The following MYH4 variants were observed in gnomAD, a reference collection of about 807,000 sequenced individuals.
The protein encoded by MYH4 is myosin heavy chain 4.
In MYH4, 200 loss-of-function variants were observed where a neutral mutation model predicts 229.9. The ratio of observed to expected loss-of-function variants is 0.87; its 90% CI spans 0.78 to 0.98. The LOEUF is 0.98. MYH4 is among the 50% of genes least tolerant of loss of function. The pLI, the probability that MYH4 is intolerant of heterozygous loss-of-function variation, is 0.00. For missense variants in MYH4, 2,148 were observed against 2,332.6 expected (o/e 0.92, Z 1.63); for synonymous variants, 761 against 834.6 (o/e 0.91, Z 1.52).
Position 10,455,187 on chromosome 17 carries a change from T to C in MYH4, c.2283A>G (p.Lys761=), listed in dbSNP as rs776418375. 1.9e-6 allele frequency: 3 copies of C among 1,614,174 alleles called. No homozygotes were observed. Among genetic ancestry groups the C allele is most frequent in the Non-Finnish European group, 2.5e-6 (3 of 1,180,026 alleles). Residue 761 remains lysine, a synonymous_variant, in exon 20 of 40, where the codon AAA becomes AAG. Coordinates refer to ENST00000255381, the MANE Select transcript of MYH4 (RefSeq NM_017533.2). ...GSIEIDHTQY[K]FGHTKVFFKA... is the part of the protein sequence containing the mutation. ...CTGGTGATACCTTGGTATGACCGAA[T>C]TTGTACTGGGTGTGGTCAATTTCAA...
chr17:10,451,543 C>T lies in MYH4; in HGVS notation c.3739-91G>A, dbSNP rs531636249. On this transcript the variant is annotated intron_variant, in intron 27 of 39. Transcript: ENST00000255381. The stretch of plus-strand genomic sequence containing the variant: ...ATCTGTAACTACCTGTGGAAAGGGG[C>T]TGATTTTTATTTACTTTTCTATCAA... 3.6e-6 allele frequency: 5 copies of T among 1,372,490 alleles called. No homozygotes were observed. In the African/African-American group the frequency reaches 7.3e-5, roughly 20 times the overall value. The allele number at this position is 1,372,490 out of a possible 1,614,324, so 85.0% of individuals were successfully genotyped here.
At position 10,443,536 on chromosome 17, in the gene MYH4, A is replaced by G; in HGVS notation, c.5668-9T>C. On this transcript the variant is annotated splice_polypyrimidine_tract_variant and intron_variant, in intron 39 of 39. Transcript: ENST00000255381. The surrounding 1 kb of genome is among the most constrained non-coding windows in gnomAD (Gnocchi z 4.6). Reference sequence around the variant, plus strand: ...ACATTGGATTGTTCCTCCTGAGAACAGAGATGCATTTGAGATAACAAGAAA... The same window carrying G: ...ACATTGGATTGTTCCTCCTGAGAACGGAGATGCATTTGAGATAACAAGAAA... The G allele has an allele frequency of 6.2e-7, 1 of 1,604,008 alleles. No homozygotes were observed. Among genetic ancestry groups the G allele is most frequent in the Non-Finnish European group, 8.5e-7 (1 of 1,174,352 alleles).
At chr17:10,445,736 G>C (rs2072505075) in intron 35 of MYH4, among the ~76,000 whole-genome samples, 1 of 152,024 alleles carries the variant, frequency 6.6e-6, no homozygotes, top group African/African-American at 2.4e-5. Context: ...TGCATAAATA[G>C]TTGTCTTGTT....
chr17:10,444,022 C>T (rs1367444073), intron 39 of MYH4, among the ~76,000 whole-genome samples: 1 of 152,140 alleles, frequency 6.6e-6, no homozygotes, highest in Non-Finnish European at 1.5e-5. Flanking sequence ...TTATGACCCT[C>T]CTCAAGTCTC....
intron 35 of MYH4, among the ~76,000 whole-genome samples, chr17:10,446,420 T>C (rs2072512698): frequency 6.6e-6 from 1 of 152,178 alleles, no homozygotes; most frequent in Non-Finnish European, 1.5e-5. Context: ...CTATATTATT[T>C]TTAAGTTGCT....
intron 25 of MYH4, 89 bp downstream of exon 25, chr17:10,452,698 G>C (rs2072591004): frequency 1.4e-6 from 2 of 1,423,186 alleles, no homozygotes; most frequent in Non-Finnish European, 1.9e-6. Context: ...CATATGTCAT[G>C]ATGTAACATT....
intron 34 of MYH4, 58 bp from the exon 35 acceptor site, chr17:10,447,274 T>A: frequency 6.9e-7 from 1 of 1,451,380 alleles, no homozygotes; most frequent in East Asian, 2.3e-5. Context: ...AATGCAAACT[T>A]ATGGTCATGT....
chr17:10,463,705 C>T, intron 7 of MYH4, 62 bp from the exon 8 acceptor site: 2 of 1,321,414 alleles, frequency 1.5e-6, no homozygotes, highest in East Asian at 2.3e-5. Flanking sequence ...TCCCATTGAC[C>T]TCTTTCCCTT....
At chr17:10,455,440 T>C in intron 19 of MYH4, 145 bp from the exon 20 acceptor site, 1 of 1,300,166 alleles carries the variant, frequency 7.7e-7, no homozygotes, top group Middle Eastern at 2.2e-4. Context: ...TATTTAAAAC[T>C]TCGGAAGATA....
chr17:10,466,571 T>C lies in MYH4; in HGVS notation c.175A>G (p.Lys59Glu), dbSNP rs1482748292. The C allele has an allele frequency of 1.2e-6, 2 of 1,613,666 alleles. No homozygotes were observed. Among genetic ancestry groups the C allele is most frequent in the East Asian group, 4.5e-5 (2 of 44,892 alleles). Residue 59 changes from lysine (K) to glutamate (E), a missense_variant, in exon 3 of 40, where the codon AAG becomes GAG. By Grantham distance (56) the Lys-to-Glu change is moderately conservative (BLOSUM62 1). Transcript: ENST00000255381. ...CCAGCTTCGGTCTTGGCTGTCACCT[T>C]CCCCCCTTCCCTGCTCTGCACTATT... is the stretch of plus-strand genomic sequence containing the variant. ...KAIVQSREGG[K>E]VTAKTEAGAT...
At position 10,444,845 on chromosome 17, in the gene MYH4, C is replaced by G; in HGVS notation, c.5521G>C (p.Val1841Leu). 1 of 1,614,126 alleles carries G rather than the reference C, an allele frequency of 6.2e-7. No homozygotes were observed. The highest frequency in any genetic ancestry group is 8.5e-7 in the Non-Finnish European group (1 of 1,180,020). ...ESEQKHNVEA[V>L]KGLRKHERRV... is the part of the protein sequence containing the mutation. ...CTCTCATGTTTGCGAAGACCCTTGA[C>G]AGCCTCAACATTGTGCTTCTGTTCA... The change falls in exon 38 of 40, where the codon GTC (valine) becomes CTC (leucine). Residue 1841 changes from valine (V) to leucine (L), a missense_variant. Val to Leu is a conservative substitution (Grantham distance 32). Coordinates refer to ENST00000255381, the MANE Select transcript of MYH4 (RefSeq NM_017533.2).
rs1257909844 is a variant in MYH4, at chr17:10,443,656, C to G, written c.5668-129G>C. Reference sequence around the variant, plus strand: ...GCTCCGTTGTCCAGGCATGGTGGCTCACACCTGTAATCCCAGCACTCTGGG... The same window carrying G: ...GCTCCGTTGTCCAGGCATGGTGGCTGACACCTGTAATCCCAGCACTCTGGG... On this transcript the variant is annotated intron_variant, in intron 39 of 39. Coordinates refer to ENST00000255381, the MANE Select transcript of MYH4 (RefSeq NM_017533.2). This position sits in a 1 kb window ranked among gnomAD's most constrained non-coding sequence, Gnocchi z 4.6. The G allele has an allele frequency of 1.0e-6, 1 of 975,432 alleles. No homozygotes were observed. The highest frequency in any genetic ancestry group is 1.5e-6 in the Non-Finnish European group (1 of 671,664). 60.4% of individuals were successfully genotyped at this position (975,432 alleles called of 1,614,324 possible). A position where few individuals can be genotyped will look rare whatever the true frequency, so the allele number is the denominator to read the frequency against.
intron 16 of MYH4, 28 bp downstream of exon 16, chr17:10,457,392 G>A (rs1235041162): frequency 2.6e-6 from 4 of 1,556,976 alleles, no homozygotes; most frequent in Non-Finnish European, 8.7e-7. Flanking sequence ...TGTGACTCTT[G>A]TAACATATTA....
intron 21 of MYH4, 21 bp from the exon 22 acceptor site, chr17:10,454,831 A>T: frequency 6.2e-7 from 1 of 1,611,166 alleles, no homozygotes. Flanking sequence ...AGAAAAAAAG[A>T]TGCAAATGGA....
chr17:10,450,784 T>G lies in MYH4; in HGVS notation c.3977A>C (p.Glu1326Ala). The change falls in exon 29 of 40, where the codon GAG (glutamate) becomes GCG (alanine). Residue 1326 changes from glutamate to alanine, a missense_variant. Glu to Ala is a moderately radical substitution (Grantham distance 107). Transcript: ENST00000255381. ...CAGCTGGAGAATTCTCACCTTAGTC[T>G]CCTCTTCTAGCTGCCTCTTTAATTC... Reference protein sequence around the residue: ...IEELKRQLEEETKAKSTLAHA... With the variant: ...IEELKRQLEEATKAKSTLAHA... The G allele has an allele frequency of 1.2e-6, 2 of 1,613,478 alleles. No individual in the cohort carries two copies. The highest frequency in any genetic ancestry group is 2.7e-5 in the African/African-American group (2 of 75,052).
intron 5 of MYH4, 32 bp downstream of exon 5, chr17:10,465,410 A>C (rs1402649828): frequency 6.2e-7 from 1 of 1,610,928 alleles, no homozygotes. Flanking sequence ...ACTATTTTAC[A>C]AATGGCTATG....
At position 10,455,902 on chromosome 17, in the gene MYH4, C is replaced by A; in HGVS notation, c.1969-1G>T. On this transcript the variant is annotated splice_acceptor_variant, in intron 17 of 39. Coordinates refer to ENST00000255381, the MANE Select transcript of MYH4 (RefSeq NM_017533.2). LOFTEE classifies it high-confidence loss of function. The stretch of plus-strand genomic sequence containing the variant: ...TGGTCATCAGCTTATTCAAATTCTC[C>A]TGTGGAACCATATGAAAAGTTTTAA... 6 of 1,614,208 alleles carry A rather than the reference C, an allele frequency of 3.7e-6. No individual in the cohort carries two copies. The highest frequency in any genetic ancestry group is 4.2e-6 in the Non-Finnish European group (5 of 1,180,036).
intron 16 of MYH4, 95 bp downstream of exon 16, chr17:10,457,325 T>C: frequency 7.2e-7 from 1 of 1,388,308 alleles, no homozygotes; most frequent in Non-Finnish European, 9.7e-7. Flanking sequence ...GCCAGTGTTT[T>C]TGTGTCAGGT....
At chr17:10,449,511 TTA>T (rs1205643548) in intron 30 of MYH4, among the ~76,000 whole-genome samples, 7 of 152,186 alleles carry the variant, frequency 4.6e-5, no homozygotes. Context: ...TGAGTTTTAT[TTA>T]CTTTGAGGAA....
Sources: allele counts gnomAD v4.1 joint callset (sites outside exome capture counted in the v4.1 genomes callset), GRCh38; gene constraint gnomAD v4.1.1; non-coding constraint Gnocchi (gnomAD v3.1); transcripts MANE v1.5; gene names NCBI Gene and HGNC (gene_info 2026-07-23, HGNC 2026-07-21).